Variants in CCDC18 observed in about 807,000 individuals in gnomAD.
The protein encoded by CCDC18 is coiled-coil domain-containing protein 18.
CCDC18 carries 157 observed loss-of-function variants against 196.0 expected under a neutral mutation model. The ratio of observed to expected loss-of-function variants is 0.80; its 90% CI spans 0.70 to 0.91. CCDC18 has a LOEUF of 0.91. Ranked by LOEUF, CCDC18 falls within the 40% of genes least tolerant of loss-of-function variation. CCDC18 has a pLI of 0.00. For missense variants in CCDC18, 1,465 were observed against 1,611.6 expected (o/e 0.91, Z 1.56); for synonymous variants, 482 against 529.2 (o/e 0.91, Z 1.22).
In CCDC18 at chr1:93,207,353, A is replaced by C. The variant is rs749833521; in HGVS notation, c.1164A>C (p.Ser388=). 3.1e-6 allele frequency: 5 copies of C among 1,612,126 alleles called. No homozygotes were observed. The highest frequency in any genetic ancestry group is 4.2e-6 in the Non-Finnish European group (5 of 1,178,878). The change falls in exon 9 of 29, where the codon TCA becomes TCC. Residue 388 remains serine, a synonymous_variant. Transcript: ENST00000690025. ...TATGTCAACAAGAAATTGAAAGTTC[A>C]AGGGTAGAACTAAGAAGTTTGGAAA... ...LDLCQQEIES[S]RVELRSLEKI...
intron 7 of CCDC18, among the ~76,000 whole-genome samples, chr1:93,203,318 A>C (rs1365545547): frequency 1.3e-5 from 2 of 152,300 alleles, no homozygotes; most frequent in East Asian, 3.9e-4. Flanking sequence ...AAAAAAAGTT[A>C]ATGAGTTCTA....
upstream of CCDC18, chr1:93,180,163 C>G (rs372037546): frequency 3.2e-5 from 52 of 1,613,090 alleles, no homozygotes; most frequent in Non-Finnish European, 4.3e-5. Flanking sequence ...AGGTGTGAAG[C>G]CGGCCGCCCC....
rs1418675368 is a variant in CCDC18, at chr1:93,270,624, CATTAG to C, written c.4165_4169del (p.Leu1389ArgfsTer4). 1.3e-6 allele frequency: 2 copies of C among 1,550,286 alleles called. No individual in the cohort carries two copies. On this transcript the variant is annotated frameshift_variant, in exon 28 of 29. Coordinates refer to ENST00000690025, the MANE Select transcript of CCDC18 (RefSeq NM_001378204.1). LOFTEE classifies it high-confidence loss of function. ...AAAATGCAATTAGAACAGCCTTCAA[CATTAG>C]AAGAAAGCCATAAGAATCTGACTTA...
intron 26 of CCDC18, 104 bp from the exon 27 acceptor site, chr1:93,264,597 T>C (rs1664243249): frequency 6.0e-6 from 4 of 671,982 alleles, no homozygotes; most frequent in East Asian, 2.8e-5. Flanking sequence ...ATTTACTTTT[T>C]TTAAAGAAAA....
Position 93,180,790 on chromosome 1 carries a change from G to A in CCDC18, c.-65G>A, listed in dbSNP as rs754466186. On this transcript the variant is annotated 5_prime_UTR_variant, in exon 1 of 29. Coordinates refer to ENST00000690025, the MANE Select transcript of CCDC18 (RefSeq NM_001378204.1). The stretch of plus-strand genomic sequence containing the variant: ...TTGTGTCCGAGGCTTCCACGCGCAG[G>A]GGCCCGGGAAAGGGTCAGAGGCTTC... 4.4e-6 allele frequency: 6 copies of A among 1,367,666 alleles called. No individual in the cohort carries two copies. In the African/African-American group the frequency reaches 8.9e-5, roughly 20 times the overall value. The allele number at this position is 1,367,666 out of a possible 1,614,324, so 84.7% of individuals were successfully genotyped here.
chr1:93,269,620 T>C (rs964860756), intron 27 of CCDC18: 1 of 152,148 alleles, frequency 6.6e-6, no homozygotes, highest in Admixed American at 6.5e-5. Context: ...TTTAGAAATA[T>C]ATATCTTATG....
At chr1:93,192,638 A>G (rs971887758) in intron 5 of CCDC18, among the ~76,000 whole-genome samples, 5 of 152,154 alleles carry the variant, frequency 3.3e-5, no homozygotes, top group Non-Finnish European at 5.9e-5. Context: ...GGGTCTCACT[A>G]TGTTGGTCAG....
In CCDC18 at chr1:93,186,414, C is replaced by T; in HGVS notation, c.373C>T (p.Gln125Ter). The T allele has an allele frequency of 6.2e-7, 1 of 1,611,982 alleles. No individual in the cohort carries two copies. Among genetic ancestry groups the T allele is most frequent in the Non-Finnish European group, 8.5e-7 (1 of 1,178,584 alleles). The change falls in exon 4 of 29, where the codon CAA becomes TAA. Residue 125 changes from glutamine (Q) to a stop codon, truncating the protein, a stop_gained. Transcript: ENST00000690025. LOFTEE classifies it high-confidence loss of function. Reference sequence around the variant, plus strand: ...TCGAGAGAAACTAAATAAACTTAGGCAACAGAATGCTTGTTTGGTCACACA... The same window carrying T: ...TCGAGAGAAACTAAATAAACTTAGGTAACAGAATGCTTGTTTGGTCACACA... ...SLREKLNKLRQQNACLVTQNH... is the reference protein window; with the variant it reads ...SLREKLNKLR
chr1:93,216,575 T>TCGG, intron 12 of CCDC18, 61 bp from the exon 13 acceptor site: 3 of 826,612 alleles, frequency 3.6e-6, no homozygotes, highest in South Asian at 3.7e-5. Context: ...GTGTTTGATC[T>TCGG]TAGAATGCAA....
chr1:93,246,781 G>A, intron 22 of CCDC18, 57 bp from the exon 23 acceptor site: 1 of 791,030 alleles, frequency 1.3e-6, no homozygotes, highest in South Asian at 1.5e-5. Flanking sequence ...CCTATTCTAA[G>A]CATACAAGTT....
intron 23 of CCDC18, among the ~76,000 whole-genome samples, chr1:93,250,305 C>T (rs187605427): frequency 1.4e-3 from 211 of 146,366 alleles, no homozygotes; most frequent in Non-Finnish European, 2.6e-3. Context: ...CACTTGAACC[C>T]AGGAGGTCGA....
At chr1:93,233,661 C>A (rs771635048) in intron 18 of CCDC18, among the ~76,000 whole-genome samples, 1 of 151,978 alleles carries the variant, frequency 6.6e-6, no homozygotes, top group Non-Finnish European at 1.5e-5. Context: ...TGCAATGGCG[C>A]GATCTCAGCT....
intron 27 of CCDC18, among the ~76,000 whole-genome samples, chr1:93,268,587 A>AGAAC (rs1664845949): frequency 6.7e-6 from 1 of 150,014 alleles, no homozygotes; most frequent in Admixed American, 6.6e-5. Flanking sequence ...TTACAAGAAA[A>AGAAC]AAACAACCCC....
rs537235448 is a variant in CCDC18, at chr1:93,253,413, T to C, written c.3199-1058T>C. Among the ~76,000 whole-genome samples, 16 of 152,128 alleles carry C rather than the reference T, an allele frequency of 1.1e-4. No individual in the cohort carries two copies. The South Asian group carries it at 3.1e-3, about 30-fold the overall frequency. ...TCATTATTTCAGAGGTGCATGTGTC[T>C]CCCAGCAAGTCCCTGCACAGACAGG... On this transcript the variant is annotated intron_variant, in intron 23 of 28. Coordinates refer to ENST00000690025, the MANE Select transcript of CCDC18 (RefSeq NM_001378204.1).
intron 13 of CCDC18, among the ~76,000 whole-genome samples, chr1:93,217,471 G>T (rs946541312): frequency 6.6e-6 from 1 of 151,922 alleles, no homozygotes; most frequent in African/African-American, 2.4e-5. Flanking sequence ...TTGAGACAAA[G>T]TCTCACTCTG....
chr1:93,252,091 G>A (rs778362373), intron 23 of CCDC18, among the ~76,000 whole-genome samples: 5 of 152,050 alleles, frequency 3.3e-5, no homozygotes, highest in Non-Finnish European at 7.4e-5. Context: ...GAGGTGGAGT[G>A]CAGTGGCACA....
At chr1:93,218,410 C>T (rs1036895524) in intron 14 of CCDC18, among the ~76,000 whole-genome samples, 2 of 152,078 alleles carry the variant, frequency 1.3e-5, no homozygotes, top group Non-Finnish European at 2.9e-5. Flanking sequence ...AGCAAGAATT[C>T]TAATAAAATC....
chr1:93,228,920 C>G (rs1449195094), intron 17 of CCDC18, among the ~76,000 whole-genome samples: 1 of 151,622 alleles, frequency 6.6e-6, no homozygotes, highest in African/African-American at 2.4e-5. Context: ...ATAAATAGAA[C>G]GATTTTTTTT....
upstream of CCDC18, chr1:93,180,692 C>G (rs747894717): frequency 1.0e-5 from 14 of 1,346,012 alleles, no homozygotes; most frequent in Non-Finnish European, 1.4e-5. Context: ...GGGGCAGTGA[C>G]CGGGTAGGCG....
Sources: gnomAD v4.1 joint callset for allele counts (sites outside exome capture counted in the v4.1 genomes callset) on GRCh38, gnomAD v4.1.1 for gene constraint, MANE v1.5 for transcripts, NCBI Gene and HGNC (gene_info 2026-07-23, HGNC 2026-07-21) for gene names.